Variants in PRSS38 observed in about 807,000 individuals in gnomAD.
PRSS38 encodes the protein marapsin 2.
In PRSS38, 22 loss-of-function variants were observed where a neutral mutation model predicts 26.8. The ratio of observed to expected loss-of-function variants is 0.82; its 90% CI spans 0.59 to 1.17. The LOEUF (loss-of-function observed/expected upper bound fraction) is 1.17. PRSS38 is among the 50% of genes most tolerant of loss of function. The pLI is 0.00. For missense variants in PRSS38, 427 were observed against 422.7 expected, an observed-to-expected ratio of 1.01 and a Z score of -0.09; for synonymous variants, 175 against 172.1, an observed-to-expected ratio of 1.02 and a Z score of -0.13.
At chr1:227,846,237 T>A in exon 5 of PRSS38, 1 of 1,600,348 alleles carries the variant, frequency 6.2e-7, no homozygotes, top group South Asian at 1.1e-5. Context: ...AGGATTCTCA[T>A]GGCTGCACAC....
chr1:227,843,440 C>T lies in PRSS38; in HGVS notation c.584-2030C>T, dbSNP rs775756397. 2.8e-4 allele frequency among the ~76,000 whole-genome samples: 43 copies of T among 152,192 alleles called. 1 individual carries two copies. The highest frequency in any genetic ancestry group is 1.3e-4 in the Admixed American group (2 of 15,280). ...AAAACCAGCCGGGCGTGGTGGCTCA[C>T]GCCTGTAATCCCAGCACTTTGGGAG... On this transcript the variant is annotated intron_variant, in intron 3 of 4. Transcript: ENST00000366757.
At chr1:227,815,968 T>TC in intron 1 of PRSS38, 104 bp downstream of exon 1, 1 of 1,345,172 alleles carries the variant, frequency 7.4e-7, no homozygotes, top group Non-Finnish European at 1.0e-6. Context: ...TCCCTTCCCC[T>TC]CCCCCATGTC....
chr1:227,835,953 G>A (rs1330314848), intron 3 of PRSS38, among the ~76,000 whole-genome samples: 1 of 152,140 alleles, frequency 6.6e-6, no homozygotes, highest in Admixed American at 6.5e-5. Flanking sequence ...TTTAAAAAGT[G>A]CTGTCCAGGT....
intron 3 of PRSS38, among the ~76,000 whole-genome samples, chr1:227,830,501 CT>C (rs1243159470): frequency 0.1 from 13,092 of 124,990 alleles, 440 homozygotes; most frequent in East Asian, 0.21. Flanking sequence ...AAGGTGTCTA[CT>C]TTTTTTTTTT....
intron 3 of PRSS38, among the ~76,000 whole-genome samples, chr1:227,844,218 A>G (rs1665380753): frequency 1.3e-5 from 2 of 152,138 alleles, no homozygotes; most frequent in South Asian, 4.1e-4. Flanking sequence ...TGTTCCTTCA[A>G]TATGTGGTGG....
At chr1:227,843,787 A>T (rs939070494) in intron 3 of PRSS38, among the ~76,000 whole-genome samples, 5 of 152,088 alleles carry the variant, frequency 3.3e-5, no homozygotes, top group Admixed American at 6.5e-5. Flanking sequence ...TGGGAGGCCG[A>T]GGCAGGTGGA....
At chr1:227,839,983 C>A (rs567832082) in intron 3 of PRSS38, among the ~76,000 whole-genome samples, 1 of 152,098 alleles carries the variant, frequency 6.6e-6, no homozygotes, top group African/African-American at 2.4e-5. Context: ...GAAAGACTTG[C>A]GAACAGAAAC....
chr1:227,821,669 C>A (rs1210950487), intron 3 of PRSS38, among the ~76,000 whole-genome samples: 1 of 152,142 alleles, frequency 6.6e-6, no homozygotes, highest in Non-Finnish European at 1.5e-5. Context: ...ACACTGTCTT[C>A]TGATCTCCTT....
intron 3 of PRSS38, among the ~76,000 whole-genome samples, chr1:227,818,675 C>CAAAAAAAAAAA (rs71180764): frequency 1.6e-5 from 1 of 61,070 alleles, no homozygotes; most frequent in Non-Finnish European, 2.9e-5. Flanking sequence ...GACCTTCTCT[C>CAAAAAAAAAAA]AAAAAAAAAA....
chr1:227,827,568 T>G (rs1665093124), intron 3 of PRSS38, among the ~76,000 whole-genome samples: 1 of 152,080 alleles, frequency 6.6e-6, no homozygotes, highest in Non-Finnish European at 1.5e-5. Flanking sequence ...GTTTATTTGA[T>G]TCTTCTCTCT....
intron 3 of PRSS38, among the ~76,000 whole-genome samples, chr1:227,843,708 A>T (rs185302799): frequency 4.7e-4 from 70 of 148,958 alleles, no homozygotes; most frequent in African/African-American, 1.7e-3. Flanking sequence ...ACTCCATCTT[A>T]AAAAAAAAAT....
At chr1:227,818,207 G>A (rs551882790) in intron 3 of PRSS38, among the ~76,000 whole-genome samples, 1 of 152,300 alleles carries the variant, frequency 6.6e-6, no homozygotes, top group Non-Finnish European at 1.5e-5. Flanking sequence ...TATAGCATTT[G>A]TGGCCAGGCC....
At chr1:227,845,765 C>A (rs1665419870) in intron 4 of PRSS38, among the ~76,000 whole-genome samples, 153 bp downstream of exon 4, 1 of 152,214 alleles carries the variant, frequency 6.6e-6, no homozygotes, top group African/African-American at 2.4e-5. Flanking sequence ...GTGAACGCCG[C>A]ATGCCTGCAG....
In PRSS38 at chr1:227,817,737, G is replaced by A. The variant is rs1408329496; in HGVS notation, c.583+257G>A. On this transcript the variant is annotated intron_variant, in intron 3 of 4. Transcript: ENST00000366757. ...GTATATCAAGAACACAAATTTAAAAGCAGTTTTCCTTAAGATTGTAAACGG... is the reference window on the plus strand; with the variant it reads ...GTATATCAAGAACACAAATTTAAAAACAGTTTTCCTTAAGATTGTAAACGG... Among the ~76,000 whole-genome samples, 5 of 152,262 alleles carry A rather than the reference G, an allele frequency of 3.3e-5. No homozygotes were observed. The East Asian group carries it at 9.6e-4, about 29-fold the overall frequency.
At chr1:227,832,315 TG>T (rs879890301) in intron 3 of PRSS38, among the ~76,000 whole-genome samples, 19 of 152,210 alleles carry the variant, frequency 1.2e-4, no homozygotes, top group Admixed American at 1.0e-3. Flanking sequence ...ATTGATTTTG[TG>T]GATTTAAATT....
chr1:227,823,144 T>C (rs988656000), intron 3 of PRSS38, among the ~76,000 whole-genome samples: 1 of 152,100 alleles, frequency 6.6e-6, no homozygotes, highest in African/African-American at 2.4e-5. Flanking sequence ...CTCTCTGTGT[T>C]GTGAACTTTA....
chr1:227,821,564 G>A (rs928769641), intron 3 of PRSS38, among the ~76,000 whole-genome samples: 2 of 152,076 alleles, frequency 1.3e-5, no homozygotes, highest in Non-Finnish European at 2.9e-5. Flanking sequence ...ATCCGTGAAC[G>A]ACTTAATTTC....
intron 3 of PRSS38, among the ~76,000 whole-genome samples, chr1:227,844,902 G>A (rs1239422672): frequency 2.8e-5 from 4 of 142,708 alleles, no homozygotes; most frequent in African/African-American, 1.0e-4. Flanking sequence ...TGTACGGTCA[G>A]GGCTCCTCCC....
chr1:227,819,279 G>C (rs1435359241), intron 3 of PRSS38, among the ~76,000 whole-genome samples: 2 of 152,090 alleles, frequency 1.3e-5, no homozygotes, highest in Non-Finnish European at 2.9e-5. Flanking sequence ...TATACTCTAA[G>C]TTTGCTTAAC....
Sources: allele counts gnomAD v4.1 joint callset (sites outside exome capture counted in the v4.1 genomes callset), GRCh38; gene constraint gnomAD v4.1.1; transcripts MANE v1.5; gene names NCBI Gene and HGNC (gene_info 2026-07-23, HGNC 2026-07-21).